DACH2: variants seen among roughly 807,000 people sequenced by gnomAD.
The protein encoded by DACH2 is dachshund homolog 2.
Under a neutral mutation model 35.8 loss-of-function variants are expected in DACH2, and 17 were observed. The ratio of observed to expected loss-of-function variants is 0.48; its 90% confidence interval spans 0.33 to 0.71. DACH2 has a LOEUF of 0.71. DACH2 is among the 30% of genes least tolerant of loss of function. DACH2 has a pLI of 0.02. For missense variants in DACH2, 469 were observed against 472.7 expected, an observed-to-expected ratio of 0.99 and a Z score of 0.07; for synonymous variants, 195 against 177.3, an observed-to-expected ratio of 1.10 and a Z score of -0.79.
intron 2 of DACH2, among the ~76,000 whole-genome samples, chrX:86,508,549 G>A (rs1237449852): frequency 1.9e-5 from 2 of 105,758 alleles, no homozygotes; most frequent in Admixed American, 2.0e-4. Flanking sequence ...GACAGAGTGA[G>A]ACTCTGTCTC....
intron 3 of DACH2, among the ~76,000 whole-genome samples, chrX:86,528,259 A>G (rs1482990586): frequency 8.9e-6 from 1 of 112,094 alleles, no homozygotes; most frequent in Non-Finnish European, 1.9e-5. Context: ...AGTTGGAATC[A>G]TACTATTTAT....
chrX:86,319,933 T>C (rs920366824), intron 1 of DACH2, among the ~76,000 whole-genome samples: 7 of 111,989 alleles, frequency 6.3e-5, no homozygotes, highest in African/African-American at 2.3e-4. Context: ...ATTATTGGCC[T>C]GCTGGTGAGA....
At chrX:86,325,338 G>C (rs911597765) in intron 1 of DACH2, among the ~76,000 whole-genome samples, 4 of 111,384 alleles carry the variant, frequency 3.6e-5, no homozygotes, top group Non-Finnish European at 7.5e-5. Flanking sequence ...AATGAGTGAA[G>C]TGAAAGAGAG....
chrX:86,803,797 A>C (rs2042317451), intron 7 of DACH2, among the ~76,000 whole-genome samples: 4 of 110,804 alleles, frequency 3.6e-5, no homozygotes. Flanking sequence ...TTGTATATTA[A>C]ATGGTGCTTA....
intron 2 of DACH2, among the ~76,000 whole-genome samples, chrX:86,435,817 C>T (rs931727884): frequency 1.8e-5 from 2 of 111,462 alleles, no homozygotes; most frequent in Admixed American, 1.9e-4. Context: ...TAAGGCAATC[C>T]GTCTCCCCTT....
At chrX:86,161,898 TCTAAAG>T (rs960303776) in intron 1 of DACH2, among the ~76,000 whole-genome samples, 48 of 111,772 alleles carry the variant, frequency 4.3e-4, no homozygotes, top group African/African-American at 1.5e-3. Context: ...TCTGCCACAA[TCTAAAG>T]CTTTTATTAT....
chrX:86,158,376 CAG>C (rs2030628912), intron 1 of DACH2, among the ~76,000 whole-genome samples: 1 of 111,204 alleles, frequency 9.0e-6, no homozygotes, highest in Non-Finnish European at 1.9e-5. Context: ...CAGTGGCAAC[CAG>C]TGAGTATGTC....
chrX:86,260,574 A>G (rs901681375), intron 1 of DACH2, among the ~76,000 whole-genome samples: 2 of 112,381 alleles, frequency 1.8e-5, no homozygotes, highest in African/African-American at 6.5e-5. Context: ...CCAAAAACCC[A>G]GGAACTGTAA....
intron 7 of DACH2, among the ~76,000 whole-genome samples, chrX:86,747,707 G>A (rs772185389): frequency 2.8e-4 from 31 of 111,750 alleles, no homozygotes; most frequent in Non-Finnish European, 5.1e-4. Flanking sequence ...TGATGTTGAT[G>A]GCTGCTGACA....
intron 3 of DACH2, among the ~76,000 whole-genome samples, chrX:86,635,356 A>G (rs1294769665): frequency 9.2e-6 from 1 of 108,306 alleles, no homozygotes; most frequent in Non-Finnish European, 1.9e-5. Context: ...AACCTCTCAA[A>G]CTAGGTATTG....
At chrX:86,197,533 A>G (rs1404439117) in intron 1 of DACH2, among the ~76,000 whole-genome samples, 5 of 111,189 alleles carry the variant, frequency 4.5e-5, no homozygotes, top group African/African-American at 9.8e-5. Context: ...ATGCAATGAC[A>G]CCTCTTAGGT....
At chrX:86,453,522 G>A (rs941810144) in intron 2 of DACH2, among the ~76,000 whole-genome samples, 13 of 111,587 alleles carry the variant, frequency 1.2e-4, no homozygotes, top group African/African-American at 4.2e-4. Context: ...TATATTTAGG[G>A]TAGTTAGCTC....
intron 4 of DACH2, among the ~76,000 whole-genome samples, chrX:86,670,758 C>T (rs902780365): frequency 8.9e-5 from 10 of 112,066 alleles, no homozygotes; most frequent in African/African-American, 2.9e-4. Flanking sequence ...TTTAAAGGTT[C>T]CTTTCTTCTG....
At chrX:86,779,785 A>C (rs866105606) in intron 7 of DACH2, among the ~76,000 whole-genome samples, 1 of 112,177 alleles carries the variant, frequency 8.9e-6, no homozygotes, top group African/African-American at 3.2e-5. Flanking sequence ...GGAAAACAGA[A>C]GATGAGGTTG....
intron 7 of DACH2, among the ~76,000 whole-genome samples, chrX:86,796,899 T>C (rs971775004): frequency 9.3e-6 from 1 of 107,694 alleles, no homozygotes; most frequent in Non-Finnish European, 1.9e-5. Context: ...ATACATATTG[T>C]TTTTTTTTTC....
At chrX:86,591,494 T>C (rs6524675) in intron 3 of DACH2, among the ~76,000 whole-genome samples, 44,152 of 107,380 alleles carry the variant, frequency 0.41, 9,253 homozygotes, top group African/African-American at 0.78. Context: ...TGGTTATTTG[T>C]CATCTGTGTA....
chrX:86,809,885 C>T (rs2042378736), intron 7 of DACH2, among the ~76,000 whole-genome samples: 1 of 110,915 alleles, frequency 9.0e-6, no homozygotes, highest in Non-Finnish European at 1.9e-5. Context: ...AGCTTAGATC[C>T]GTGTGCTGTC....
intron 1 of DACH2, among the ~76,000 whole-genome samples, chrX:86,287,092 T>G (rs1196637454): frequency 9.0e-6 from 1 of 111,411 alleles, no homozygotes; most frequent in African/African-American, 3.3e-5. Flanking sequence ...TCCCTCAGCT[T>G]TTGTTTGTCT....
intron 2 of DACH2, among the ~76,000 whole-genome samples, chrX:86,503,628 A>G (rs1308952717): frequency 1.8e-5 from 2 of 112,011 alleles, no homozygotes; most frequent in East Asian, 5.6e-4. Context: ...AAATTGCAAA[A>G]CATTCCATGG....
Sources: gnomAD v4.1 joint callset for allele counts (sites outside exome capture counted in the v4.1 genomes callset) on GRCh38, gnomAD v4.1.1 for gene constraint, MANE v1.5 for transcripts, NCBI Gene and HGNC (gene_info 2026-07-23, HGNC 2026-07-21) for gene names.